The following SLC22A23 variants were observed in gnomAD, a reference collection of about 807,000 sequenced individuals.
SLC22A23 encodes the protein solute carrier family 22 member 23.
SLC22A23 carries 26 observed loss-of-function variants against 61.0 expected under a neutral mutation model. The observed-to-expected ratio is 0.43, with a 90% CI of 0.31 to 0.59. The LOEUF (loss-of-function observed/expected upper bound fraction) is 0.59, where lower values mean the gene tolerates loss of function less well. SLC22A23 is among the 20% of genes least tolerant of loss of function. The pLI, the probability that SLC22A23 is intolerant of heterozygous loss-of-function variation, is 0.11. For synonymous variants in SLC22A23, 430 were observed against 413.9 expected, an observed-to-expected ratio of 1.04 and a Z score of -0.47; for missense variants, 796 against 934.7, an observed-to-expected ratio of 0.85 and a Z score of 1.94.
chr6:3,370,195 G>A (rs1444631003), intron 3 of SLC22A23, among the ~76,000 whole-genome samples: 2 of 152,132 alleles, frequency 1.3e-5, no homozygotes, highest in Non-Finnish European at 2.9e-5. Context: ...ACAAAAAGAG[G>A]TTAGCCATAC....
chr6:3,447,810 C>T (rs1469293373), intron 1 of SLC22A23, among the ~76,000 whole-genome samples: 1 of 151,186 alleles, frequency 6.6e-6, no homozygotes, highest in Admixed American at 6.6e-5. Flanking sequence ...GTATGGTCTC[C>T]ATCTCCTGAC....
rs547026826 is a variant in SLC22A23, at chr6:3,310,200, G to A, written c.1083-11982C>T. On this transcript the variant is annotated intron_variant, in intron 4 of 9. Transcript: ENST00000406686. ...ACTCCTCAAAGCTGAGTGTCAGCACGCAGTTCAAGCGGGAGCACCCTGTCT... is the reference window on the plus strand; with the variant it reads ...ACTCCTCAAAGCTGAGTGTCAGCACACAGTTCAAGCGGGAGCACCCTGTCT... 2.6e-5 allele frequency among the ~76,000 whole-genome samples: 4 copies of A among 151,350 alleles called. No individual in the cohort carries two copies. In the South Asian group the frequency reaches 6.3e-4, roughly 24 times the overall value.
intron 3 of SLC22A23, among the ~76,000 whole-genome samples, chr6:3,375,477 A>G (rs747833676): frequency 6.6e-6 from 1 of 152,252 alleles, no homozygotes; most frequent in Non-Finnish European, 1.5e-5. Flanking sequence ...GTAGTGGTGC[A>G]CTACAGTGAG....
rs771638193 is a variant in SLC22A23 at position 3,289,918 on chromosome 6, G to A, written c.1211-52C>T. The A allele has an allele frequency of 3.4e-6, 5 of 1,474,708 alleles. No individual in the cohort carries two copies. The African/African-American group carries it at 6.9e-5, about 20-fold the overall frequency. The allele number at this position is 1,474,708 out of a possible 1,614,324, so 91.4% of individuals were successfully genotyped here. ...CTGGGCAGGCCGCCCACAGAGGACA[G>A]GACAGCAGCTGCAGTCACAGCCCTG... On this transcript the variant is annotated intron_variant, in intron 5 of 9. Transcript: ENST00000406686.
chr6:3,355,280 C>T (rs1765002639), intron 3 of SLC22A23, among the ~76,000 whole-genome samples: 1 of 151,922 alleles, frequency 6.6e-6, no homozygotes, highest in Non-Finnish European at 1.5e-5. Flanking sequence ...GTTTTCTCAT[C>T]TTCAAACTGG....
At chr6:3,449,461 TAAGAA>T (rs1344287739) in intron 1 of SLC22A23, among the ~76,000 whole-genome samples, 2 of 151,986 alleles carry the variant, frequency 1.3e-5, no homozygotes, top group Non-Finnish European at 2.9e-5. Context: ...TATAAATACA[TAAGAA>T]AATAATGCTT....
intron 3 of SLC22A23, among the ~76,000 whole-genome samples, chr6:3,395,923 T>C (rs1462219368): frequency 6.6e-6 from 1 of 152,232 alleles, no homozygotes; most frequent in Non-Finnish European, 1.5e-5. Context: ...GTTGTTAATA[T>C]TTTGGTTTTA....
At position 3,324,995 on chromosome 6, in the gene SLC22A23, T is replaced by G. The variant is rs1763192902; in HGVS notation, c.914-993A>C. Among the ~76,000 whole-genome samples, 3 of 152,240 alleles carry G rather than the reference T, an allele frequency of 2.0e-5. No individual in the cohort carries two copies. The stretch of plus-strand genomic sequence containing the variant: ...AAGCAGCTGGGTTTTATATATATTA[T>G]TTTCCCTACAGAGCATGTACATTTA... On this transcript the variant is annotated intron_variant, in intron 3 of 9. Transcript: ENST00000406686. The surrounding 1 kb of genome is among the most constrained non-coding windows in gnomAD (Gnocchi z 4.3).
At chr6:3,417,391 G>A (rs1254137333) in intron 1 of SLC22A23, among the ~76,000 whole-genome samples, 2 of 152,188 alleles carry the variant, frequency 1.3e-5, no homozygotes, top group Non-Finnish European at 2.9e-5. Context: ...CTGCACAAGG[G>A]CCTCATCAAT....
In SLC22A23 at chr6:3,297,918, C is replaced by G. The variant is rs1561878192; in HGVS notation, c.1210+173G>C. Among the ~76,000 whole-genome samples the G allele has an allele frequency of 6.6e-6, 1 of 152,150 alleles. No homozygotes were observed. The highest frequency in any genetic ancestry group is 1.5e-5 in the Non-Finnish European group (1 of 68,030). On this transcript the variant is annotated intron_variant, in intron 5 of 9. Coordinates refer to ENST00000406686, the MANE Select transcript of SLC22A23 (RefSeq NM_015482.2). This position sits in a 1 kb window ranked among gnomAD's most constrained non-coding sequence, Gnocchi z 4.3. The stretch of plus-strand genomic sequence containing the variant: ...ACTTGATCATGAAAGAAACCAACAC[C>G]TAGAAAATGGAGAGAATGTCAAGGT...
intron 3 of SLC22A23, among the ~76,000 whole-genome samples, chr6:3,371,606 C>T (rs1766222363): frequency 6.6e-6 from 1 of 152,152 alleles, no homozygotes; most frequent in Non-Finnish European, 1.5e-5. Context: ...CTTCCTGAAC[C>T]TCAGTTTTCT....
At chr6:3,438,348 G>A in intron 1 of SLC22A23, 1 of 359,646 alleles carries the variant, frequency 2.8e-6, no homozygotes, top group Non-Finnish European at 5.5e-6. Context: ...TTCGGAGCCG[G>A]CAAAGCCACG....
chr6:3,418,014 C>G (rs1340401018), intron 1 of SLC22A23, among the ~76,000 whole-genome samples: 1 of 152,216 alleles, frequency 6.6e-6, no homozygotes, highest in Non-Finnish European at 1.5e-5. Context: ...ACAGGTTTTG[C>G]CTTAAAACGT....
intron 9 of SLC22A23, among the ~76,000 whole-genome samples, chr6:3,274,035 A>T (rs770393132): frequency 6.6e-6 from 1 of 152,198 alleles, no homozygotes; most frequent in Non-Finnish European, 1.5e-5. Flanking sequence ...GGGTCCCCCA[A>T]ATGAAGCTGT....
At chr6:3,374,058 T>C (rs1286971842) in intron 3 of SLC22A23, among the ~76,000 whole-genome samples, 1 of 152,238 alleles carries the variant, frequency 6.6e-6, no homozygotes, top group African/African-American at 2.4e-5. Context: ...ACACATCCTC[T>C]GATTTCAAAA....
At chr6:3,291,810 G>C (rs1223323114) in intron 5 of SLC22A23, 3 of 152,156 alleles carry the variant, frequency 2.0e-5, no homozygotes, top group Non-Finnish European at 4.4e-5. Flanking sequence ...AGACTTCCGA[G>C]AAGAAAATTT....
intron 3 of SLC22A23, among the ~76,000 whole-genome samples, chr6:3,379,246 T>A (rs1766798815): frequency 1.3e-5 from 2 of 152,194 alleles, no homozygotes; most frequent in Admixed American, 6.5e-5. Flanking sequence ...GGACTTCGGC[T>A]TCCCCCAATA....
chr6:3,366,301 C>A (rs1581760075), intron 3 of SLC22A23, among the ~76,000 whole-genome samples: 2 of 138,896 alleles, frequency 1.4e-5, no homozygotes, highest in African/African-American at 5.6e-5. Context: ...CCACTGCACT[C>A]CAGCCTGGGT....
chr6:3,306,220 C>T (rs765076530), intron 4 of SLC22A23, among the ~76,000 whole-genome samples: 1 of 152,146 alleles, frequency 6.6e-6, no homozygotes, highest in African/African-American at 2.4e-5. Flanking sequence ...CACTCATTAC[C>T]GTGGGGAGCG....
Sources: gnomAD v4.1 joint callset for allele counts (sites outside exome capture counted in the v4.1 genomes callset) on GRCh38, gnomAD v4.1.1 for gene constraint, Gnocchi (gnomAD v3.1) non-coding constraint, MANE v1.5 for transcripts, NCBI Gene and HGNC (gene_info 2026-07-23, HGNC 2026-07-21) for gene names.